ATRNL1: variants seen among roughly 807,000 people sequenced by gnomAD.
ATRNL1 encodes the protein attractin-like protein 1.
In ATRNL1, 95 loss-of-function variants were observed where a neutral mutation model predicts 182.7. That is an observed-to-expected ratio of 0.52 (90% CI 0.44 to 0.62). ATRNL1 has a LOEUF of 0.62. Among genes scored for constraint, ATRNL1 ranks in the 20% least tolerant of loss-of-function variants. ATRNL1 has a pLI of 0.00. For missense variants in ATRNL1, 1,471 were observed against 1,679.5 expected (o/e 0.88, Z 2.17); for synonymous variants, 576 against 568.3 (o/e 1.01, Z -0.19).
At chr10:115,161,083 T>A (rs553029367) in intron 6 of ATRNL1, among the ~76,000 whole-genome samples, 79 of 152,106 alleles carry the variant, frequency 5.2e-4, no homozygotes, top group Non-Finnish European at 9.7e-4. Flanking sequence ...TGGGTCATTC[T>A]TTAACAAAAA....
At chr10:115,846,135 A>G (rs1555098695) in intron 27 of ATRNL1, among the ~76,000 whole-genome samples, 1 of 152,066 alleles carries the variant, frequency 6.6e-6, no homozygotes, top group Non-Finnish European at 1.5e-5. Flanking sequence ...AGATCATGTA[A>G]CTTGATACAA....
At chr10:115,645,127 AGCAC>A (rs1859522223) in intron 26 of ATRNL1, among the ~76,000 whole-genome samples, 2 of 152,050 alleles carry the variant, frequency 1.3e-5, no homozygotes, top group South Asian at 4.1e-4. Context: ...GAGACTCTGA[AGCAC>A]ACTTAAGGTT....
chr10:115,926,035 A>T (rs1242859532), intron 28 of ATRNL1, among the ~76,000 whole-genome samples: 2 of 152,200 alleles, frequency 1.3e-5, no homozygotes, highest in African/African-American at 4.8e-5. Flanking sequence ...CAGAAAATGC[A>T]AAAGAACTAA....
intron 19 of ATRNL1, among the ~76,000 whole-genome samples, chr10:115,382,938 G>A (rs967877480): frequency 1.3e-5 from 2 of 151,492 alleles, no homozygotes; most frequent in Admixed American, 6.6e-5. Context: ...GTTTGTTTTG[G>A]GACTCTTAAT....
intron 26 of ATRNL1, among the ~76,000 whole-genome samples, chr10:115,703,944 T>C (rs1946818214): frequency 6.6e-6 from 1 of 151,776 alleles, no homozygotes; most frequent in South Asian, 2.1e-4. Context: ...GGGAAAATGA[T>C]AGAATATTTA....
intron 27 of ATRNL1, among the ~76,000 whole-genome samples, chr10:115,766,685 G>T (rs1187549161): frequency 1.3e-5 from 2 of 152,162 alleles, no homozygotes; most frequent in Non-Finnish European, 2.9e-5. Flanking sequence ...ATAGAGTGAA[G>T]ATATGAAATC....
At chr10:115,212,488 A>G (rs1849069013) in intron 8 of ATRNL1, among the ~76,000 whole-genome samples, 1 of 151,910 alleles carries the variant, frequency 6.6e-6, no homozygotes, top group South Asian at 2.1e-4. Flanking sequence ...CAGCAATCCC[A>G]TTACTAGGTA....
intron 27 of ATRNL1, among the ~76,000 whole-genome samples, chr10:115,735,683 C>T (rs1450799219): frequency 6.6e-6 from 1 of 152,126 alleles, no homozygotes; most frequent in African/African-American, 2.4e-5. Flanking sequence ...GATGTGATAA[C>T]CAAGACAGCT....
At chr10:115,508,955 T>C (rs2182863) in intron 24 of ATRNL1, among the ~76,000 whole-genome samples, 9,252 of 152,130 alleles carry the variant, frequency 0.061, 501 homozygotes, top group East Asian at 0.14. Flanking sequence ...TGTAAATGCT[T>C]GACATCAAAA....
intron 19 of ATRNL1, among the ~76,000 whole-genome samples, chr10:115,338,809 A>G (rs115428292): frequency 0.02 from 2,989 of 152,284 alleles, 96 homozygotes; most frequent in African/African-American, 0.067. Flanking sequence ...GCCCAGACCA[A>G]TGTCCTGGAG....
intron 26 of ATRNL1, among the ~76,000 whole-genome samples, chr10:115,654,799 G>A (rs1325317657): frequency 6.6e-6 from 1 of 152,134 alleles, no homozygotes; most frequent in African/African-American, 2.4e-5. Context: ...AAAGAAAGGT[G>A]ACATTTATGT....
At chr10:115,445,788 A>G (rs1318262363) in intron 21 of ATRNL1, among the ~76,000 whole-genome samples, 2 of 2,184 alleles carry the variant, frequency 9.2e-4, no homozygotes, top group Admixed American at 9.5e-3. Context: ...TTCACCAGCT[A>G]GTGGCTACCA....
chr10:115,189,910 A>G (rs1436591523), intron 8 of ATRNL1, among the ~76,000 whole-genome samples: 1 of 148,878 alleles, frequency 6.7e-6, no homozygotes, highest in Non-Finnish European at 1.5e-5. Flanking sequence ...AGTGTCCTAT[A>G]CAGGTATACC....
chr10:115,368,390 G>A (rs1264394970), intron 19 of ATRNL1, among the ~76,000 whole-genome samples: 4 of 152,160 alleles, frequency 2.6e-5, no homozygotes, highest in African/African-American at 7.2e-5. Flanking sequence ...GCTCGCGCAC[G>A]GTGCACGCAC....
In ATRNL1 at chr10:115,944,809, A is replaced by G. The variant is rs1555125144; in HGVS notation, c.*30A>G. The G allele has an allele frequency of 1.9e-6, 3 of 1,602,074 alleles. No individual in the cohort carries two copies. Among genetic ancestry groups the G allele is most frequent in the Non-Finnish European group, 2.6e-6 (3 of 1,174,250 alleles). On this transcript the variant is annotated 3_prime_UTR_variant, in exon 29 of 29. Transcript: ENST00000355044. The stretch of plus-strand genomic sequence containing the variant: ...TGGAAACCGCTCCTGTATATTCTGT[A>G]CTGTTTTACTTCGGGCTTCTGTTAA...
intron 8 of ATRNL1, 119 bp from the exon 9 acceptor site, chr10:115,215,578 A>G: frequency 1.3e-6 from 1 of 785,626 alleles, no homozygotes. Flanking sequence ...AATATTAGAT[A>G]TACAATGTTT....
At chr10:115,493,919 A>G (rs1254148434) in intron 24 of ATRNL1, among the ~76,000 whole-genome samples, 1 of 152,072 alleles carries the variant, frequency 6.6e-6, no homozygotes, top group African/African-American at 2.4e-5. Flanking sequence ...TCTTCTTTTG[A>G]AATGTGTCAG....
intron 25 of ATRNL1, among the ~76,000 whole-genome samples, chr10:115,548,352 C>A (rs900727090): frequency 1.3e-5 from 2 of 152,006 alleles, no homozygotes; most frequent in African/African-American, 4.8e-5. Context: ...GAGGCATAGG[C>A]AAGGAGAAAA....
intron 26 of ATRNL1, among the ~76,000 whole-genome samples, chr10:115,692,641 TA>T (rs1211114457): frequency 7.2e-5 from 11 of 151,758 alleles, no homozygotes; most frequent in African/African-American, 2.4e-4. Context: ...AAATAATTTT[TA>T]AAAAATTTGA....
Sources: gnomAD v4.1 joint callset for allele counts (sites outside exome capture counted in the v4.1 genomes callset) on GRCh38, gnomAD v4.1.1 for gene constraint, MANE v1.5 for transcripts, NCBI Gene and HGNC (gene_info 2026-07-23, HGNC 2026-07-21) for gene names.